The following PPFIA2 variants were observed in gnomAD, a reference collection of about 807,000 sequenced individuals.
PPFIA2 encodes the protein PPFI scaffold protein A2, also known as liprin-alpha-2.
Under a neutral mutation model 175.5 loss-of-function variants are expected in PPFIA2, and 46 were observed. The observed-to-expected ratio is 0.26, with a 90% CI of 0.21 to 0.34. The LOEUF (loss-of-function observed/expected upper bound fraction) is 0.34. Ranked by LOEUF, PPFIA2 falls within the 10% of genes least tolerant of loss-of-function variation. The pLI, the probability that PPFIA2 is intolerant of heterozygous loss-of-function variation, is 1.00. For synonymous variants in PPFIA2, 568 were observed against 511.4 expected (o/e 1.11, Z -1.49); for missense variants, 1,179 against 1,506.1 (o/e 0.78, Z 3.60).
At position 81,346,844 on chromosome 12, in the gene PPFIA2, C is replaced by T. The variant is rs894336197; in HGVS notation, c.2232+689G>A. On this transcript the variant is annotated intron_variant, in intron 18 of 32. Transcript: ENST00000549396. ...ACTTATTATGTTAAAAACACACACA[C>T]ACAGAGTCCAAAGTGATTTCCTCCG... Among the ~76,000 whole-genome samples, 12 of 151,930 alleles carry T rather than the reference C, an allele frequency of 7.9e-5. No homozygotes were observed. The East Asian group carries it at 1.2e-3, about 15-fold the overall frequency.
At chr12:81,614,279 C>T (rs559419107) in intron 4 of PPFIA2, among the ~76,000 whole-genome samples, 9 of 152,124 alleles carry the variant, frequency 5.9e-5, no homozygotes, top group South Asian at 4.2e-4. Flanking sequence ...CAGATGTTTT[C>T]GTGCTCTTCA....
chr12:81,648,376 G>A (rs895418601), intron 4 of PPFIA2, among the ~76,000 whole-genome samples: 1 of 151,980 alleles, frequency 6.6e-6, no homozygotes, highest in Non-Finnish European at 1.5e-5. Flanking sequence ...AGAACTAATA[G>A]TGTATACAGT....
chr12:81,503,199 C>A (rs191722985), intron 4 of PPFIA2, among the ~76,000 whole-genome samples: 1 of 152,100 alleles, frequency 6.6e-6, no homozygotes, highest in Non-Finnish European at 1.5e-5. Flanking sequence ...GTGGTAACAA[C>A]CTTCTAACTG....
chr12:81,516,206 T>C (rs1055152080), intron 4 of PPFIA2, among the ~76,000 whole-genome samples: 1 of 152,098 alleles, frequency 6.6e-6, no homozygotes, highest in Non-Finnish European at 1.5e-5. Context: ...GGCCAAGTTA[T>C]TGTAACTACC....
At chr12:81,559,099 A>G (rs2069427045) in intron 4 of PPFIA2, among the ~76,000 whole-genome samples, 1 of 152,206 alleles carries the variant, frequency 6.6e-6, no homozygotes, top group African/African-American at 2.4e-5. Context: ...AGCTGAAACA[A>G]TTTTAAAACA....
At chr12:81,337,523 C>G (rs2057324277) in intron 21 of PPFIA2, among the ~76,000 whole-genome samples, 1 of 152,044 alleles carries the variant, frequency 6.6e-6, no homozygotes, top group African/African-American at 2.4e-5. Context: ...CTTTTCTAGA[C>G]TTTAACTTAT....
intron 24 of PPFIA2, 121 bp from the exon 25 acceptor site, chr12:81,284,424 A>C: frequency 1.4e-6 from 1 of 709,044 alleles, no homozygotes; most frequent in Non-Finnish European, 2.5e-6. Context: ...CCTTGCCCCT[A>C]CCGTGTGCAT....
intron 22 of PPFIA2, among the ~76,000 whole-genome samples, chr12:81,325,451 T>C (rs935501172): frequency 6.6e-6 from 1 of 152,104 alleles, no homozygotes; most frequent in African/African-American, 2.4e-5. Flanking sequence ...AGCTAGATGG[T>C]ATAATCTCAT....
intron 7 of PPFIA2, among the ~76,000 whole-genome samples, chr12:81,411,772 C>T (rs1197102510): frequency 6.6e-6 from 1 of 151,972 alleles, no homozygotes; most frequent in East Asian, 1.9e-4. Flanking sequence ...GAAATCCTTC[C>T]TAATGGAAAT....
rs565240211 is a variant in PPFIA2, at chr12:81,400,941, G to A, written c.762+4846C>T. Among the ~76,000 whole-genome samples the A allele has an allele frequency of 3.2e-4, 49 of 152,210 alleles. 1 individual carries two copies. Among genetic ancestry groups the A allele is most frequent in the Admixed American group, 1.1e-3 (17 of 15,278 alleles). On this transcript the variant is annotated intron_variant, in intron 8 of 32. Transcript: ENST00000549396. Reference sequence around the variant, plus strand: ...TGTCTCAGTCACTAATACATGACACGTATAAAAATTCACTGCATATAGTTA... The same window carrying A: ...TGTCTCAGTCACTAATACATGACACATATAAAAATTCACTGCATATAGTTA...
intron 8 of PPFIA2, among the ~76,000 whole-genome samples, chr12:81,394,082 T>A (rs2040634764): frequency 6.6e-6 from 1 of 152,086 alleles, no homozygotes. Flanking sequence ...AGCAGTTTTT[T>A]AAAAATTTAC....
At position 81,368,758 on chromosome 12, in the gene PPFIA2, G is replaced by A. The variant is rs938695415; in HGVS notation, c.1449C>T (p.His483=). 16 of 1,610,206 alleles carry A rather than the reference G, an allele frequency of 9.9e-6. No homozygotes were observed. The highest frequency in any genetic ancestry group is 1.4e-5 in the Non-Finnish European group (16 of 1,177,638). ...CTAGAGCAGCCATTCTTTCCTTTAAGTGTAGTTGTAGGCGTTCATTGGATT... is the reference window on the plus strand; with the variant it reads ...CTAGAGCAGCCATTCTTTCCTTTAAATGTAGTTGTAGGCGTTCATTGGATT... ...LTESNERLQL[H]LKERMAALEE... is the part of the protein sequence containing the mutation. The change falls in exon 13 of 33, where the codon CAC becomes CAT. Residue 483 remains histidine, a synonymous_variant. Coordinates refer to ENST00000549396, the MANE Select transcript of PPFIA2 (RefSeq NM_003625.5).
At chr12:81,478,474 C>T (rs2057765965) in intron 4 of PPFIA2, among the ~76,000 whole-genome samples, 1 of 151,988 alleles carries the variant, frequency 6.6e-6, no homozygotes, top group Non-Finnish European at 1.5e-5. Flanking sequence ...TTTGATCCTG[C>T]TTCTCTGGTT....
At chr12:81,503,097 C>T (rs904465950) in intron 4 of PPFIA2, among the ~76,000 whole-genome samples, 7 of 152,100 alleles carry the variant, frequency 4.6e-5, no homozygotes, top group African/African-American at 1.4e-4. Context: ...TTCCCACTTC[C>T]CATAAATAAC....
At chr12:81,277,517 G>A (rs2040838843) in intron 27 of PPFIA2, 103 bp from the exon 28 acceptor site, 4 of 1,137,310 alleles carry the variant, frequency 3.5e-6, no homozygotes, top group African/African-American at 1.6e-5. Flanking sequence ...GCTTCTTAGG[G>A]CAACAAGTTA....
At chr12:81,481,242 G>A (rs555623471) in intron 4 of PPFIA2, among the ~76,000 whole-genome samples, 1 of 152,204 alleles carries the variant, frequency 6.6e-6, no homozygotes, top group East Asian at 1.9e-4. Flanking sequence ...AAATAAGAGA[G>A]GACACAAACA....
At chr12:81,528,810 A>C (rs967557920) in intron 4 of PPFIA2, among the ~76,000 whole-genome samples, 6 of 152,052 alleles carry the variant, frequency 3.9e-5, no homozygotes, top group African/African-American at 1.4e-4. Flanking sequence ...GCTCACCCAC[A>C]CAACCGAATC....
chr12:81,340,794 G>C (rs1240004073), intron 20 of PPFIA2, among the ~76,000 whole-genome samples: 1 of 151,866 alleles, frequency 6.6e-6, no homozygotes, highest in Admixed American at 6.6e-5. Flanking sequence ...CCTTCCTCTA[G>C]CCTGATCTCA....
intron 3 of PPFIA2, among the ~76,000 whole-genome samples, chr12:81,727,232 T>C (rs1429507880): frequency 6.6e-6 from 1 of 151,318 alleles, no homozygotes; most frequent in East Asian, 1.9e-4. Flanking sequence ...AGCTTATTTA[T>C]ATAACTAAAG....
Sources: allele counts gnomAD v4.1 joint callset (sites outside exome capture counted in the v4.1 genomes callset), GRCh38; gene constraint gnomAD v4.1.1; transcripts MANE v1.5; gene names NCBI Gene and HGNC (gene_info 2026-07-23, HGNC 2026-07-21).